Variants in SFMBT2 observed in about 807,000 individuals in gnomAD.
SFMBT2 encodes Scm like with four mbt domains 2.
In SFMBT2, 38 loss-of-function variants were observed where a neutral mutation model predicts 110.1. The observed-to-expected ratio is 0.35, with a 90% CI of 0.27 to 0.45. The LOEUF (loss-of-function observed/expected upper bound fraction) is 0.45, where lower values mean the gene tolerates loss of function less well. SFMBT2 is among the 20% of genes least tolerant of loss of function. SFMBT2 has a pLI of 1.00. For synonymous variants in SFMBT2, 425 were observed against 425.4 expected, an observed-to-expected ratio of 1.00 and a Z score of 0.01; for missense variants, 1,011 against 1,094.9, an observed-to-expected ratio of 0.92 and a Z score of 1.08.
chr10:7,346,666 T>C (rs933073317), intron 4 of SFMBT2, among the ~76,000 whole-genome samples: 9 of 152,094 alleles, frequency 5.9e-5, no homozygotes, highest in African/African-American at 2.2e-4. Flanking sequence ...GATGAACTAG[T>C]TATCTTTAAA....
intron 10 of SFMBT2, 54 bp downstream of exon 10, chr10:7,227,801 A>T: frequency 6.7e-7 from 1 of 1,494,336 alleles, no homozygotes; most frequent in Non-Finnish European, 9.3e-7. Flanking sequence ...TATAAAACTT[A>T]CGGTAGACAA....
At chr10:7,213,278 C>A (rs559031739) in intron 11 of SFMBT2, among the ~76,000 whole-genome samples, 84 of 152,244 alleles carry the variant, frequency 5.5e-4, no homozygotes, top group African/African-American at 1.5e-3. Flanking sequence ...GAAACACAGA[C>A]CTACTGTGTA....
chr10:7,315,583 C>T (rs969229719), intron 4 of SFMBT2, among the ~76,000 whole-genome samples: 2 of 152,244 alleles, frequency 1.3e-5, no homozygotes, highest in Non-Finnish European at 2.9e-5. Context: ...AGCCTGCCAA[C>T]TGCAGATCTA....
chr10:7,258,781 T>C (rs1163766006), intron 7 of SFMBT2, among the ~76,000 whole-genome samples: 1 of 152,222 alleles, frequency 6.6e-6, no homozygotes, highest in African/African-American at 2.4e-5. Context: ...CTAGTTTCAT[T>C]GAAAAACAGA....
At chr10:7,196,570 G>A (rs900851786) in intron 15 of SFMBT2, among the ~76,000 whole-genome samples, 1 of 152,200 alleles carries the variant, frequency 6.6e-6, no homozygotes, top group Non-Finnish European at 1.5e-5. Flanking sequence ...AACAAGAGCA[G>A]GAAACCCCAA....
At chr10:7,352,752 C>T (rs961154161) in intron 4 of SFMBT2, among the ~76,000 whole-genome samples, 14 of 152,276 alleles carry the variant, frequency 9.2e-5, no homozygotes, top group Non-Finnish European at 1.9e-4. Flanking sequence ...TGGCTCACGC[C>T]TGTAATCCCA....
intron 7 of SFMBT2, among the ~76,000 whole-genome samples, chr10:7,254,637 T>C (rs1020536444): frequency 6.6e-6 from 1 of 151,932 alleles, no homozygotes; most frequent in Non-Finnish European, 1.5e-5. Flanking sequence ...CTGGCCAACA[T>C]GGTGAAACCC....
chr10:7,395,567 T>C (rs1845901223), intron 1 of SFMBT2, among the ~76,000 whole-genome samples: 1 of 152,258 alleles, frequency 6.6e-6, no homozygotes, highest in Non-Finnish European at 1.5e-5. Context: ...ATTCAAATGC[T>C]AGACTTCTTC....
chr10:7,331,653 G>A (rs7910672), intron 4 of SFMBT2, among the ~76,000 whole-genome samples: 3,204 of 152,192 alleles, frequency 0.021, 50 homozygotes, highest in Middle Eastern at 0.082. Flanking sequence ...GAACTTGCAA[G>A]CTAGTCACAT....
chr10:7,307,952 AAT>A (rs1842742811), intron 4 of SFMBT2, among the ~76,000 whole-genome samples: 1 of 152,258 alleles, frequency 6.6e-6, no homozygotes, highest in African/African-American at 2.4e-5. Flanking sequence ...CCATTTTGCA[AAT>A]ATGAGTGCTG....
Position 7,220,439 on chromosome 10 carries a change from C to G in SFMBT2, c.1302G>C (p.Lys434Asn). Residue 434 changes from lysine to asparagine, a missense_variant, in exon 11 of 21, where the codon AAG (lysine) becomes AAC (asparagine). This residue lies in a region of SFMBT2 where 979 missense variants were observed against 1,016.1 expected (regional missense o/e 0.96). Transcript: ENST00000397167. Reference sequence around the variant, plus strand: ...CCAGGTGAAGCCACATTAGCCGCCCCTTCACACTCACAACGGAGGCCACAC... The same window carrying G: ...CCAGGTGAAGCCACATTAGCCGCCCGTTCACACTCACAACGGAGGCCACAC... ...ELCVASVVSV[K>N]GRLMWLHLEG... 6.2e-7 allele frequency: 1 copy of G among 1,614,108 alleles called. No individual in the cohort carries two copies. The highest frequency in any genetic ancestry group is 2.2e-5 in the East Asian group (1 of 44,888).
chr10:7,245,667 T>A (rs1161059777), intron 8 of SFMBT2, among the ~76,000 whole-genome samples: 1 of 152,222 alleles, frequency 6.6e-6, no homozygotes, highest in Non-Finnish European at 1.5e-5. Flanking sequence ...AATGCCAGTA[T>A]CCTTTCCTCT....
At chr10:7,234,001 C>G (rs1840183992) in intron 9 of SFMBT2, among the ~76,000 whole-genome samples, 1 of 152,244 alleles carries the variant, frequency 6.6e-6, no homozygotes, top group Non-Finnish European at 1.5e-5. Context: ...GGCAGGACAG[C>G]AAACATCAGC....
chr10:7,363,990 C>T (rs1844810784), intron 4 of SFMBT2, among the ~76,000 whole-genome samples: 1 of 152,018 alleles, frequency 6.6e-6, no homozygotes, highest in African/African-American at 2.4e-5. Context: ...GGTATGGTTG[C>T]AGAATTTACA....
At chr10:7,347,739 T>A (rs1026878993) in intron 4 of SFMBT2, among the ~76,000 whole-genome samples, 1 of 152,170 alleles carries the variant, frequency 6.6e-6, no homozygotes, top group African/African-American at 2.4e-5. Context: ...TTAAATTTGA[T>A]CTAAACATAC....
intron 2 of SFMBT2, among the ~76,000 whole-genome samples, chr10:7,371,672 T>C (rs767952867): frequency 6.6e-6 from 1 of 152,300 alleles, no homozygotes; most frequent in Non-Finnish European, 1.5e-5. Context: ...GAAAGAGCTG[T>C]CCAAAATGCA....
intron 9 of SFMBT2, among the ~76,000 whole-genome samples, chr10:7,238,554 A>T (rs1840333227): frequency 6.6e-6 from 1 of 152,156 alleles, no homozygotes; most frequent in Non-Finnish European, 1.5e-5. Flanking sequence ...AGAGAATACG[A>T]CTTACGGTTC....
intron 20 of SFMBT2, chr10:7,164,451 A>C (rs1161390241): frequency 3.0e-6 from 3 of 985,000 alleles, no homozygotes; most frequent in Non-Finnish European, 3.6e-6. Flanking sequence ...GGCTACTCTG[A>C]AACTCACATA....
chr10:7,210,146 GT>G (rs1490631019), intron 11 of SFMBT2, among the ~76,000 whole-genome samples: 2 of 152,154 alleles, frequency 1.3e-5, no homozygotes, highest in Admixed American at 6.5e-5. Context: ...GGACACAGAG[GT>G]CTACCTGGTG....
Sources: allele counts gnomAD v4.1 joint callset (sites outside exome capture counted in the v4.1 genomes callset), GRCh38; gene constraint gnomAD v4.1.1; regional missense constraint gnomAD v4.1.1; transcripts MANE v1.5; gene names NCBI Gene and HGNC (gene_info 2026-07-23, HGNC 2026-07-21).